Variants in COBL observed in about 807,000 individuals in gnomAD.
COBL encodes the protein cordon-bleu WH2 repeat protein.
A neutral mutation model predicts 98.8 loss-of-function variants in COBL; 51 were observed. The observed-to-expected ratio is 0.52, with a 90% confidence interval of 0.41 to 0.65. The LOEUF is 0.65. Among genes scored for constraint, COBL ranks in the 30% least tolerant of loss-of-function variants. The pLI is 0.00. For missense variants in COBL, 1,617 were observed against 1,617.5 expected (o/e 1.00, Z 0.01); for synonymous variants, 634 against 651.7 (o/e 0.97, Z 0.41).
chr7:51,310,666 G>T (rs1003608809), intron 1 of COBL, among the ~76,000 whole-genome samples: 7 of 152,086 alleles, frequency 4.6e-5, no homozygotes, highest in Admixed American at 1.3e-4. Context: ...TGTTTTGTTT[G>T]GTTTGGTTTT....
At position 51,316,773 on chromosome 7, in the gene COBL, C is replaced by G. The variant is rs1803658887; in HGVS notation, c.-140G>C. ...CACGCGGGCCGGCGGAGGACAGCGG[C>G]GGAGCGCGGCGGACGGAAGGGGCTG... On this transcript the variant is annotated 5_prime_UTR_variant, in exon 1 of 13. Transcript: ENST00000265136. The G allele has an allele frequency of 1.7e-6, 1 of 597,266 alleles. No individual in the cohort carries two copies. Among genetic ancestry groups the G allele is most frequent in the African/African-American group, 2.0e-5 (1 of 50,582 alleles). The allele number at this position is 597,266 out of a possible 1,614,324, so 37.0% of individuals were successfully genotyped here.
At chr7:51,034,884 G>T (rs57628721) in intron 8 of COBL, 1 of 152,202 alleles carries the variant, frequency 6.6e-6, no homozygotes, top group Admixed American at 6.5e-5. Flanking sequence ...AACAAACACA[G>T]GGAAGACATT....
At chr7:51,119,921 C>T (rs1229111457) in intron 6 of COBL, among the ~76,000 whole-genome samples, 2 of 151,966 alleles carry the variant, frequency 1.3e-5, no homozygotes, top group African/African-American at 2.4e-5. Context: ...GAGTGACTTG[C>T]CCAAAGTTGT....
Position 51,152,767 on chromosome 7 carries a change from C to G in COBL, c.784-16436G>C, listed in dbSNP as rs28549868. On this transcript the variant is annotated intron_variant, in intron 5 of 12. Coordinates refer to ENST00000265136, the MANE Select transcript of COBL (RefSeq NM_015198.5). ...GCTTGAAAGCAGCATCTTTTCTCATCCTTGTTGTATGATTTGTCTGGTGGA... is the reference window on the plus strand; with the variant it reads ...GCTTGAAAGCAGCATCTTTTCTCATGCTTGTTGTATGATTTGTCTGGTGGA... Among the ~76,000 whole-genome samples, 1,178 of 152,284 alleles carry G rather than the reference C, an allele frequency of 7.7e-3. 12 individuals are homozygous for G. The highest frequency in any genetic ancestry group is 0.027 in the African/African-American group (1,123 of 41,558).
At chr7:51,030,937 C>T (rs761340175) in intron 8 of COBL, 28 bp from the exon 9 acceptor site, 2 of 1,388,388 alleles carry the variant, frequency 1.4e-6, no homozygotes, top group South Asian at 2.3e-5. Flanking sequence ...GAAAGGAGCA[C>T]TCATTTCTCT....
At chr7:51,149,747 A>G (rs1449416761) in intron 5 of COBL, among the ~76,000 whole-genome samples, 1 of 152,088 alleles carries the variant, frequency 6.6e-6, no homozygotes, top group Non-Finnish European at 1.5e-5. Context: ...CTGGGATTAC[A>G]TGTGCCCACC....
intron 5 of COBL, among the ~76,000 whole-genome samples, chr7:51,181,315 G>T (rs1415754352): frequency 6.6e-6 from 1 of 152,198 alleles, no homozygotes; most frequent in Non-Finnish European, 1.5e-5. Context: ...AAATGCAGTG[G>T]TGGTCATGTC....
intron 6 of COBL, among the ~76,000 whole-genome samples, chr7:51,092,158 ACTC>A (rs1794873273): frequency 6.6e-6 from 1 of 152,030 alleles, no homozygotes; most frequent in Non-Finnish European, 1.5e-5. Context: ...TAGATTGTGC[ACTC>A]CTTATGGGAA....
chr7:51,124,766 A>G (rs913969175), intron 6 of COBL, among the ~76,000 whole-genome samples: 12 of 151,132 alleles, frequency 7.9e-5, no homozygotes, highest in African/African-American at 2.7e-4. Flanking sequence ...CAGGAACCCC[A>G]TTTTCCTTTG....
intron 7 of COBL, among the ~76,000 whole-genome samples, chr7:51,054,819 G>T (rs904616536): frequency 6.6e-6 from 1 of 152,228 alleles, no homozygotes. Context: ...TTGGTAGCAG[G>T]AGGGGTTTTC....
chr7:51,247,022 G>A lies in COBL; in HGVS notation c.42-27078C>T, dbSNP rs58834252. ...CCTCCCTGCAAACACCAAGCAGTGC[G>A]GGCCTGCAGGACTCAGTGCCTCACA... is the stretch of plus-strand genomic sequence containing the variant. On this transcript the variant is annotated intron_variant, in intron 1 of 12. Coordinates refer to ENST00000265136, the MANE Select transcript of COBL (RefSeq NM_015198.5). 9.4e-3 allele frequency among the ~76,000 whole-genome samples: 1,433 copies of A among 152,270 alleles called. 22 individuals are homozygous for A. The highest frequency in any genetic ancestry group is 0.033 in the African/African-American group (1,378 of 41,540).
At chr7:51,211,797 G>C (rs938195232) in intron 2 of COBL, among the ~76,000 whole-genome samples, 1 of 152,166 alleles carries the variant, frequency 6.6e-6, no homozygotes, top group Admixed American at 6.5e-5. Flanking sequence ...GGCTCTCCCT[G>C]GCCTCAGGGA....
intron 5 of COBL, chr7:51,156,709 C>T (rs1458387189): frequency 1.4e-5 from 1 of 71,368 alleles, no homozygotes; most frequent in Non-Finnish European, 4.6e-5. Flanking sequence ...CACACACACA[C>T]ACACACACAC....
chr7:51,216,949 T>C (rs1793106471), intron 2 of COBL, among the ~76,000 whole-genome samples: 1 of 152,188 alleles, frequency 6.6e-6, no homozygotes. Context: ...ATAAAGAGCA[T>C]AACATAAAAC....
In COBL at chr7:51,028,276, G is replaced by C. The variant is rs776937734; in HGVS notation, c.2820C>G (p.His940Gln). ...QWPCVTPPNN[H>Q]GEDLAVGAPP... Reference sequence around the variant, plus strand: ...GGGCTCCCACTGCCAAATCTTCCCCGTGGTTGTTGGGAGGAGTGACACAGG... The same window carrying C: ...GGGCTCCCACTGCCAAATCTTCCCCCTGGTTGTTGGGAGGAGTGACACAGG... The change falls in exon 10 of 13, where the codon CAC becomes CAG. Residue 940 changes from histidine (H) to glutamine (Q), a missense_variant. By Grantham distance (24) the His-to-Gln change is conservative (BLOSUM62 0). Transcript: ENST00000265136. 1 of 1,614,184 alleles carries C rather than the reference G, an allele frequency of 6.2e-7. No individual in the cohort carries two copies. The highest frequency in any genetic ancestry group is 8.5e-7 in the Non-Finnish European group (1 of 1,180,012).
chr7:51,082,208 C>G (rs567183159), intron 7 of COBL, among the ~76,000 whole-genome samples: 2 of 152,144 alleles, frequency 1.3e-5, no homozygotes, highest in Non-Finnish European at 2.9e-5. Flanking sequence ...TGTGCACACT[C>G]ATGTGGGCAC....
chr7:51,079,094 A>AG (rs951097852), intron 7 of COBL, among the ~76,000 whole-genome samples: 10 of 152,144 alleles, frequency 6.6e-5, no homozygotes, highest in Non-Finnish European at 1.5e-4. Context: ...ACAAGAGGCT[A>AG]GGGGGTGAAC....
intron 1 of COBL, among the ~76,000 whole-genome samples, chr7:51,266,531 T>A (rs1419217050): frequency 6.6e-6 from 1 of 152,114 alleles, no homozygotes; most frequent in Non-Finnish European, 1.5e-5. Flanking sequence ...TGAGCCAAGA[T>A]CGCACCATTG....
intron 6 of COBL, among the ~76,000 whole-genome samples, chr7:51,098,314 G>T (rs1795497989): frequency 6.8e-6 from 1 of 147,902 alleles, no homozygotes; most frequent in African/African-American, 2.5e-5. Flanking sequence ...AATCTTGAGG[G>T]GAAGAAAACA....
Sources: allele counts gnomAD v4.1 joint callset (sites outside exome capture counted in the v4.1 genomes callset), GRCh38; gene constraint gnomAD v4.1.1; transcripts MANE v1.5; gene names NCBI Gene and HGNC (gene_info 2026-07-23, HGNC 2026-07-21).